STK32C: variants seen among roughly 807,000 people sequenced by gnomAD.
STK32C encodes serine/threonine kinase 32C.
A neutral mutation model predicts 56.5 loss-of-function variants in STK32C; 31 were observed. The ratio of observed to expected loss-of-function variants is 0.55; its 90% confidence interval spans 0.41 to 0.74. The LOEUF is 0.74. Among genes scored for constraint, STK32C ranks in the 30% least tolerant of loss-of-function variants. The pLI, the probability that STK32C is intolerant of heterozygous loss-of-function variation, is 0.00. For missense variants in STK32C, 544 were observed against 676.9 expected (o/e 0.80, Z 2.18); for synonymous variants, 309 against 289.4 (o/e 1.07, Z -0.69).
intron 1 of STK32C, among the ~76,000 whole-genome samples, chr10:132,258,425 C>T (rs985979481): frequency 2.0e-5 from 3 of 152,392 alleles, no homozygotes; most frequent in South Asian, 2.1e-4. Context: ...CATCACCCCC[C>T]ACGGGGCCCT....
intron 2 of STK32C, among the ~76,000 whole-genome samples, chr10:132,240,474 ACGGGGGCATGGAGC>A (rs2063462714): frequency 6.6e-6 from 1 of 152,206 alleles, no homozygotes; most frequent in South Asian, 2.1e-4. Flanking sequence ...CAGGCCCTGC[ACGGGGGCATGGAGC>A]TGGGGAGCCC....
chr10:132,325,414 G>C (rs530420274), intron 1 of STK32C, among the ~76,000 whole-genome samples: 6 of 151,966 alleles, frequency 3.9e-5, no homozygotes, highest in African/African-American at 1.2e-4. Flanking sequence ...TTAGCCAGGC[G>C]TGGTGGCGGG....
intron 1 of STK32C, among the ~76,000 whole-genome samples, chr10:132,269,289 A>G (rs1319372060): frequency 1.3e-5 from 2 of 152,210 alleles, no homozygotes; most frequent in Non-Finnish European, 2.9e-5. Flanking sequence ...GGTGCTGCAC[A>G]GGGTCTCTTC....
intron 1 of STK32C, among the ~76,000 whole-genome samples, chr10:132,296,752 C>T (rs564352163): frequency 6.6e-6 from 1 of 152,342 alleles, no homozygotes; most frequent in South Asian, 2.1e-4. Context: ...CAAACCAGGC[C>T]ACTTGGAGAC....
Position 132,248,800 on chromosome 10 carries a change from TC to T in STK32C, c.263-2846del, listed in dbSNP as rs527384031. On this transcript the variant is annotated intron_variant, in intron 1 of 11. Transcript: ENST00000298630. Reference sequence around the variant, plus strand: ...TCCATGGGCACGTGCTCTGGCGGCCTCCCCCAGGACCCCAAGCAGCCCGCAC... The same window carrying T: ...TCCATGGGCACGTGCTCTGGCGGCCTCCCCAGGACCCCAAGCAGCCCGCAC... Among the ~76,000 whole-genome samples the T allele has an allele frequency of 2.1e-4, 32 of 152,014 alleles. No homozygotes were observed. In the South Asian group the frequency reaches 6.2e-3, roughly 30 times the overall value.
At chr10:132,330,415 C>G (rs1356038469) in intron 1 of STK32C, 7 of 717,134 alleles carry the variant, frequency 9.8e-6, no homozygotes, top group Non-Finnish European at 1.8e-5. Context: ...ACTCCTCATT[C>G]TCTCCTTGCT....
rs1378406189 is a variant in STK32C, at chr10:132,222,962, G to A, written c.1018C>T (p.Arg340Trp). The A allele has an allele frequency of 3.2e-6, 5 of 1,550,302 alleles. No homozygotes were observed. The highest frequency in any genetic ancestry group is 1.2e-5 in the South Asian group (1 of 84,578). The change falls in exon 9 of 12, where the codon CGG (arginine) becomes TGG (tryptophan). Residue 340 changes from arginine to tryptophan, a missense_variant. Around this residue, in one of 3 missense-constraint regions of STK32C, gnomAD observed 277 missense variants for 309.3 expected, o/e 0.90. Coordinates refer to ENST00000298630, the MANE Select transcript of STK32C (RefSeq NM_173575.4). ...RKLLTVNPEH[R>W]LSSLQDVQAA... Reference sequence around the variant, plus strand: ...TGCACGTCCTGGAGGCTGGAGAGCCGGTGCTCGGGGTTCACAGTGAGGAGC... The same window carrying A: ...TGCACGTCCTGGAGGCTGGAGAGCCAGTGCTCGGGGTTCACAGTGAGGAGC...
rs56089104 is a variant in STK32C at position 132,295,611 on chromosome 10, C to T, written c.262+11961G>A. On this transcript the variant is annotated intron_variant, in intron 1 of 11. Coordinates refer to ENST00000298630, the MANE Select transcript of STK32C (RefSeq NM_173575.4). ...CTACACAGAAGAATTCCAGGCCGGG[C>T]GCAGTGGCTCACGCTTGTAATCCCA... 1.4e-3 allele frequency among the ~76,000 whole-genome samples: 210 copies of T among 152,352 alleles called. 3 individuals carry two copies. Among genetic ancestry groups the T allele is most frequent in the African/African-American group, 4.3e-3 (179 of 41,588 alleles).
At chr10:132,276,026 C>T (rs933388617) in intron 1 of STK32C, among the ~76,000 whole-genome samples, 3 of 152,114 alleles carry the variant, frequency 2.0e-5, no homozygotes, top group Non-Finnish European at 4.4e-5. Flanking sequence ...ACCCCCAAGC[C>T]GCCACACCAC....
At chr10:132,304,026 C>T (rs373634152) in intron 1 of STK32C, among the ~76,000 whole-genome samples, 3 of 152,382 alleles carry the variant, frequency 2.0e-5, no homozygotes, top group East Asian at 3.9e-4. Flanking sequence ...ACCAATTGAG[C>T]GGCCACACGT....
In STK32C at chr10:132,307,690, C is replaced by T; in HGVS notation, c.144G>A (p.Ser48=). The T allele has an allele frequency of 5.3e-6, 8 of 1,503,188 alleles. No homozygotes were observed. Among genetic ancestry groups the T allele is most frequent in the Admixed American group, 2.1e-5 (1 of 48,168 alleles). 93.1% of individuals were successfully genotyped at this position (1,503,188 alleles called of 1,614,324 possible). A position where few individuals can be genotyped will look rare whatever the true frequency, so the allele number is the denominator to read the frequency against. ...PAAGQPRARD[S]GDVRSQPRPL... is the part of the protein sequence containing the mutation. ...GGCGCGGCTGCGAGCGGACATCGCC[C>T]GAGTCCCGGGCCCGGGGCTGGCCAG... Residue 48 remains serine, a synonymous_variant, in exon 1 of 12, where the codon TCG becomes TCA. Coordinates refer to ENST00000298630, the MANE Select transcript of STK32C (RefSeq NM_173575.4). This position sits in a 1 kb window ranked among gnomAD's most constrained non-coding sequence, Gnocchi z 4.4.
chr10:132,265,120 G>GGGAGCCGCCAGGGCGGCGA (rs1177849876), intron 1 of STK32C, among the ~76,000 whole-genome samples: 14 of 104,608 alleles, frequency 1.3e-4, no homozygotes, highest in Non-Finnish European at 2.6e-4. Flanking sequence ...TGGGCTCTGG[G>GGGAGCCGCCAGGGCGGCGA]GGTGCCGCAA....
chr10:132,266,281 C>G (rs113157321), intron 1 of STK32C, among the ~76,000 whole-genome samples: 1 of 152,020 alleles, frequency 6.6e-6, no homozygotes, highest in African/African-American at 2.4e-5. Flanking sequence ...ACAGGCTGGA[C>G]GGATCCACAG....
exon 1 of STK32C, chr10:132,331,567 G>A (rs1590551239): frequency 6.2e-7 from 1 of 1,612,968 alleles, no homozygotes; most frequent in Non-Finnish European, 8.5e-7. Flanking sequence ...CCTGTGGGAA[G>A]TGGCTCCAGG....
At position 132,307,902 on chromosome 10, in the gene STK32C, G is replaced by C; in HGVS notation, c.-69C>G. On this transcript the variant is annotated 5_prime_UTR_variant, in exon 1 of 12. Coordinates refer to ENST00000298630, the MANE Select transcript of STK32C (RefSeq NM_173575.4). The surrounding 1 kb of genome is among the most constrained non-coding windows in gnomAD (Gnocchi z 4.4). ...CCGGCCGGCAGGGCCGGGAGCGGCA[G>C]TGGTAGCGGGAGCGCTCGGGGCCGG... 8.9e-6 allele frequency: 10 copies of C among 1,120,960 alleles called. No homozygotes were observed. Among genetic ancestry groups the C allele is most frequent in the Non-Finnish European group, 1.1e-5 (10 of 913,078 alleles). 69.4% of individuals were successfully genotyped at this position (1,120,960 alleles called of 1,614,324 possible).
At position 132,207,577 on chromosome 10, in the gene STK32C, C is replaced by A. The variant is rs1228086755; in HGVS notation, c.*433G>T. ...AATCTCTAGAAAACATTCACCTCCC[C>A]ACCCACTACCCCAACCCATGCCCTT... On this transcript the variant is annotated 3_prime_UTR_variant, in exon 12 of 12. Coordinates refer to ENST00000298630, the MANE Select transcript of STK32C (RefSeq NM_173575.4). 2.4e-5 allele frequency: 4 copies of A among 167,854 alleles called. No individual in the cohort carries two copies. The allele number at this position is 167,854 out of a possible 1,614,324, so 10.4% of individuals were successfully genotyped here. A position where few individuals can be genotyped will look rare whatever the true frequency, so the allele number is the denominator to read the frequency against.
chr10:132,330,589 C>T (rs1305978540), intron 1 of STK32C: 3 of 703,282 alleles, frequency 4.3e-6, no homozygotes, highest in South Asian at 1.5e-5. Flanking sequence ...CTCACTGCAG[C>T]CTCAAAATCC....
chr10:132,255,908 A>T lies in STK32C; in HGVS notation c.263-9953T>A, dbSNP rs1474145807. On this transcript the variant is annotated intron_variant, in intron 1 of 11. Coordinates refer to ENST00000298630, the MANE Select transcript of STK32C (RefSeq NM_173575.4). This position sits in a 1 kb window ranked among gnomAD's most constrained non-coding sequence, Gnocchi z 4.6. ...CCACCGTCCCCTCACCCAGGGGCAGACCCCCATGACCAGCAGCCTGCAGCC... is the reference window on the plus strand; with the variant it reads ...CCACCGTCCCCTCACCCAGGGGCAGTCCCCCATGACCAGCAGCCTGCAGCC... Among the ~76,000 whole-genome samples the T allele has an allele frequency of 6.6e-6, 1 of 151,918 alleles. No individual in the cohort carries two copies. Among genetic ancestry groups the T allele is most frequent in the African/African-American group, 2.4e-5 (1 of 41,364 alleles).
chr10:132,311,395 G>C (rs1016399767), upstream of STK32C, among the ~76,000 whole-genome samples: 2 of 152,244 alleles, frequency 1.3e-5, no homozygotes, highest in African/African-American at 4.8e-5. This position sits in a 1 kb window ranked among gnomAD's most constrained non-coding sequence, Gnocchi z 4.4. Flanking sequence ...CCTCCCTCCT[G>C]GGAAATGGAA....
Sources: gnomAD v4.1 joint callset for allele counts (sites outside exome capture counted in the v4.1 genomes callset) on GRCh38, gnomAD v4.1.1 for gene constraint, gnomAD v4.1.1 regional missense constraint, Gnocchi (gnomAD v3.1) non-coding constraint, MANE v1.5 for transcripts, NCBI Gene and HGNC (gene_info 2026-07-23, HGNC 2026-07-21) for gene names.